The following TECRL variants were observed in gnomAD, a reference collection of about 807,000 sequenced individuals.
TECRL encodes the protein trans-2,3-enoyl-CoA reductase-like.
TECRL carries 63 observed loss-of-function variants against 52.8 expected under a neutral mutation model. That is an observed-to-expected ratio of 1.19 (90% CI 0.97 to 1.47). TECRL has a LOEUF of 1.47. Among genes scored for constraint, TECRL ranks in the 40% most tolerant of loss-of-function variants. The pLI, the probability that TECRL is intolerant of heterozygous loss-of-function variation, is 0.00. For synonymous variants in TECRL, 164 were observed against 141.9 expected, an observed-to-expected ratio of 1.16 and a Z score of -1.10; for missense variants, 482 against 429.6, an observed-to-expected ratio of 1.12 and a Z score of -1.08.
intron 2 of TECRL, among the ~76,000 whole-genome samples, chr4:64,343,451 A>G (rs1391430602): frequency 6.6e-6 from 1 of 152,100 alleles, no homozygotes; most frequent in Non-Finnish European, 1.5e-5. Context: ...ATAACCAAGT[A>G]AACATATTCT....
At chr4:64,312,988 G>A (rs895134940) in intron 5 of TECRL, among the ~76,000 whole-genome samples, 1 of 152,064 alleles carries the variant, frequency 6.6e-6, no homozygotes, top group Non-Finnish European at 1.5e-5. Flanking sequence ...CGCCATAATT[G>A]TAAGTTTCTT....
At chr4:64,276,671 A>G (rs145492591), downstream of TECRL, 75 of 162,882 alleles carry the variant, frequency 4.6e-4, no homozygotes, top group African/African-American at 1.5e-3. Context: ...AAAATACTCC[A>G]TAAGCTAAAA....
At chr4:64,336,565 G>A (rs948367758) in intron 2 of TECRL, among the ~76,000 whole-genome samples, 1 of 152,112 alleles carries the variant, frequency 6.6e-6, no homozygotes. Context: ...GAATGTGTTT[G>A]CTCTTGCTTC....
At chr4:64,363,813 G>A (rs1188821722) in intron 2 of TECRL, among the ~76,000 whole-genome samples, 1 of 152,074 alleles carries the variant, frequency 6.6e-6, no homozygotes, top group African/African-American at 2.4e-5. Context: ...TGTTAGCACA[G>A]GTATTTGAAT....
chr4:64,338,185 G>C (rs1177574625), intron 2 of TECRL, among the ~76,000 whole-genome samples: 1 of 152,108 alleles, frequency 6.6e-6, no homozygotes, highest in Non-Finnish European at 1.5e-5. Flanking sequence ...ATAGGGAAAG[G>C]ATTCCCTATT....
At chr4:64,324,856 G>A (rs1718143685) in intron 3 of TECRL, among the ~76,000 whole-genome samples, 1 of 152,132 alleles carries the variant, frequency 6.6e-6, no homozygotes, top group South Asian at 2.1e-4. Context: ...GAACACATGT[G>A]TGGTAGGCAG....
Position 64,343,926 on chromosome 4 carries a change from G to A in TECRL, c.287-15370C>T, listed in dbSNP as rs370757185. 2.6e-5 allele frequency among the ~76,000 whole-genome samples: 4 copies of A among 151,702 alleles called. No homozygotes were observed. In the East Asian group the frequency reaches 7.8e-4, roughly 29 times the overall value. On this transcript the variant is annotated intron_variant, in intron 2 of 11. Coordinates refer to ENST00000381210, the MANE Select transcript of TECRL (RefSeq NM_001010874.5). ...TGCTTTCATTTGTAATCTATAGAAA[G>A]CTTTTTAAAAAAATACCAGAAAACA...
Position 64,278,016 on chromosome 4 carries a change from A to T in TECRL, c.*2056T>A, listed in dbSNP as rs892986177. ...CAATGTACTTTTGCTTTGCAAGTGC[A>T]TACAATCCATTTGAAATATGCATAT... On this transcript the variant is annotated 3_prime_UTR_variant, in exon 12 of 12. Transcript: ENST00000381210. The T allele has an allele frequency of 6.6e-6, 1 of 151,776 alleles. No individual in the cohort carries two copies. Among genetic ancestry groups the T allele is most frequent in the African/African-American group, 2.4e-5 (1 of 41,410 alleles). 9.4% of individuals were successfully genotyped at this position (151,776 alleles called of 1,614,324 possible).
At chr4:64,293,951 T>C (rs1009871497) in intron 8 of TECRL, among the ~76,000 whole-genome samples, 1 of 149,880 alleles carries the variant, frequency 6.7e-6, no homozygotes, top group African/African-American at 2.4e-5. Context: ...TCATTATTAA[T>C]TTTTGGCAGG....
At chr4:64,336,055 T>C (rs908780430) in intron 2 of TECRL, among the ~76,000 whole-genome samples, 7 of 152,200 alleles carry the variant, frequency 4.6e-5, no homozygotes, top group African/African-American at 7.2e-5. Flanking sequence ...TTCTCTCTTT[T>C]TCTATTGATT....
At chr4:64,382,035 A>G (rs909366877) in intron 1 of TECRL, among the ~76,000 whole-genome samples, 14 of 151,624 alleles carry the variant, frequency 9.2e-5, no homozygotes, top group Non-Finnish European at 8.8e-5. Context: ...TACAAGTTTG[A>G]TGGAATTCAC....
At chr4:64,340,803 T>G (rs747629367) in intron 2 of TECRL, among the ~76,000 whole-genome samples, 2 of 152,150 alleles carry the variant, frequency 1.3e-5, no homozygotes, top group African/African-American at 4.8e-5. Context: ...TGTGAACTTG[T>G]GGTGTCTTTT....
rs981827180 is a variant in TECRL at position 64,409,309 on chromosome 4, C to T, written c.43G>A (p.Ala15Thr). The T allele has an allele frequency of 3.7e-6, 6 of 1,613,666 alleles. No homozygotes were observed. The highest frequency in any genetic ancestry group is 3.3e-4 in the Middle Eastern group (2 of 6,080). ...HKSLASERKR[A>T]LLSQRATRFI... ...CGTGTAGCTCTTTGGGAAAGTAATG[C>T]TCTCTTGCGTTCCGAAGCGAGGGAC... The change falls in exon 1 of 12, where the codon GCA (alanine) becomes ACA (threonine). Residue 15 changes from alanine to threonine, a missense_variant. By Grantham distance (58) the Ala-to-Thr change is moderately conservative. Coordinates refer to ENST00000381210, the MANE Select transcript of TECRL (RefSeq NM_001010874.5).
chr4:64,307,173 C>G (rs1724388306), intron 6 of TECRL, among the ~76,000 whole-genome samples: 1 of 152,110 alleles, frequency 6.6e-6, no homozygotes, highest in Admixed American at 6.6e-5. Context: ...CTGTCCATTA[C>G]CTATCAGTGA....
chr4:64,387,401 T>C (rs1723252426), intron 1 of TECRL, among the ~76,000 whole-genome samples: 1 of 152,116 alleles, frequency 6.6e-6, no homozygotes, highest in Non-Finnish European at 1.5e-5. Context: ...TGGACATAAG[T>C]TTTCAGCTCA....
chr4:64,299,612 A>T (rs1723888397), intron 8 of TECRL, among the ~76,000 whole-genome samples: 1 of 151,086 alleles, frequency 6.6e-6, no homozygotes, highest in Non-Finnish European at 1.5e-5. Flanking sequence ...TAGTTAAATT[A>T]ACAATTATGC....
chr4:64,317,224 G>A (rs1435787475), intron 4 of TECRL, among the ~76,000 whole-genome samples: 1 of 152,036 alleles, frequency 6.6e-6, no homozygotes, highest in Non-Finnish European at 1.5e-5. Context: ...CTTGCAGTGA[G>A]CCAAGATCAT....
chr4:64,371,976 G>A (rs1722006373), intron 2 of TECRL, among the ~76,000 whole-genome samples: 1 of 151,738 alleles, frequency 6.6e-6, no homozygotes, highest in African/African-American at 2.4e-5. Flanking sequence ...ACACACAGTA[G>A]TTTTTAAAAT....
rs1577787432 is a variant in TECRL at position 64,279,765 on chromosome 4, T to G, written c.*307A>C. ...CATTTGTTAATCAGATTTTTTTTTT[T>G]GCTGTGGTATTTTGTCTTATGCAAA... is the stretch of plus-strand genomic sequence containing the variant. On this transcript the variant is annotated 3_prime_UTR_variant, in exon 12 of 12. Coordinates refer to ENST00000381210, the MANE Select transcript of TECRL (RefSeq NM_001010874.5). The G allele has an allele frequency of 3.1e-6, 3 of 958,636 alleles. No homozygotes were observed. Among genetic ancestry groups the G allele is most frequent in the Non-Finnish European group, 3.7e-6 (3 of 807,908 alleles). 59.4% of individuals were successfully genotyped at this position (958,636 alleles called of 1,614,324 possible).
Sources: gnomAD v4.1 joint callset for allele counts (sites outside exome capture counted in the v4.1 genomes callset) on GRCh38, gnomAD v4.1.1 for gene constraint, MANE v1.5 for transcripts, NCBI Gene and HGNC (gene_info 2026-07-23, HGNC 2026-07-21) for gene names.